The following P3H2 variants were observed in gnomAD, a reference collection of about 807,000 sequenced individuals.
The protein encoded by P3H2 is leprecan-like 1.
P3H2 carries 80 observed loss-of-function variants against 87.0 expected under a neutral mutation model. That is an observed-to-expected ratio of 0.92 (90% CI 0.77 to 1.11). P3H2 has a LOEUF of 1.11. Among genes scored for constraint, P3H2 ranks in the 50% least tolerant of loss-of-function variants. The probability of loss-of-function intolerance (pLI) is 0.00; values close to 1 mark genes in which losing one functional copy is unlikely to be tolerated. For missense variants in P3H2, 1,001 were observed against 923.9 expected, an observed-to-expected ratio of 1.08 and a Z score of -1.08; for synonymous variants, 367 against 359.3, an observed-to-expected ratio of 1.02 and a Z score of -0.24.
At position 190,021,589 on chromosome 3, in the gene P3H2, A is replaced by G. The variant is rs997409596; in HGVS notation, c.481-26147T>C. On this transcript the variant is annotated intron_variant, in intron 1 of 14. Transcript: ENST00000319332. The stretch of plus-strand genomic sequence containing the variant: ...AAACTTTTCTCTTTCAGTTTTAAAA[A>G]ATAAAATCCATACTTCTGGCTTAAA... Among the ~76,000 whole-genome samples the G allele has an allele frequency of 8.2e-5, 11 of 134,954 alleles. 3 individuals carry two copies. Among genetic ancestry groups the G allele is most frequent in the Admixed American group, 6.8e-4 (9 of 13,314 alleles). 88.5% of individuals were successfully genotyped at this position (134,954 alleles called of 152,430 possible).
At chr3:190,005,791 T>C (rs114099513) in intron 1 of P3H2, among the ~76,000 whole-genome samples, 3,414 of 152,302 alleles carry the variant, frequency 0.022, 53 homozygotes, top group Non-Finnish European at 0.037. Flanking sequence ...CAAAGACCCC[T>C]CCTGGAGGAA....
intron 1 of P3H2, among the ~76,000 whole-genome samples, chr3:190,001,764 T>G (rs1331588773): frequency 6.7e-6 from 1 of 150,362 alleles, no homozygotes; most frequent in Non-Finnish European, 1.5e-5. Context: ...CTCATATACA[T>G]ACACATGTCA....
At chr3:190,020,498 G>A (rs967931582) in intron 1 of P3H2, among the ~76,000 whole-genome samples, 1 of 133,878 alleles carries the variant, frequency 7.5e-6, no homozygotes, top group African/African-American at 2.6e-5. Flanking sequence ...AAGAAGCCAC[G>A]ATCAGTTCTT....
At chr3:190,022,258 C>CAATGATGA (rs1724945953) in intron 1 of P3H2, among the ~76,000 whole-genome samples, 2 of 135,234 alleles carry the variant, frequency 1.5e-5, no homozygotes, top group Non-Finnish European at 3.3e-5. Context: ...GTGACTTTAG[C>CAATGATGA]TCTCTGGAAA....
intron 3 of P3H2, among the ~76,000 whole-genome samples, chr3:189,993,121 G>A (rs950498633): frequency 1.3e-5 from 2 of 152,002 alleles, no homozygotes; most frequent in Non-Finnish European, 2.9e-5. Context: ...TCAGGAGATC[G>A]AGACCAGCCT....
rs188559246 is a variant in P3H2, at chr3:190,069,478, C to G, written c.480+50774G>C. Among the ~76,000 whole-genome samples the G allele has an allele frequency of 2.3e-3, 352 of 152,298 alleles. 1 individual carries two copies. The highest frequency in any genetic ancestry group is 0.011 in the South Asian group (52 of 4,816). On this transcript the variant is annotated intron_variant, in intron 1 of 14. Coordinates refer to ENST00000319332, the MANE Select transcript of P3H2 (RefSeq NM_018192.4). ...AACTTCTCCCATAAATGAATCTCCT[C>G]TTCACCTCCTCTCCAGCCAAACAGA...
intron 3 of P3H2, among the ~76,000 whole-genome samples, chr3:189,989,659 G>C (rs1723818750): frequency 6.6e-6 from 1 of 152,112 alleles, no homozygotes; most frequent in Admixed American, 6.5e-5. Context: ...CCTAGACATA[G>C]TATATTCTAA....
At chr3:189,987,910 G>C (rs1282937075) in intron 4 of P3H2, 1 of 533,220 alleles carries the variant, frequency 1.9e-6, no homozygotes, top group Non-Finnish European at 3.4e-6. Flanking sequence ...AAATCGTCAA[G>C]TTTCTATCTG....
At chr3:189,991,031 G>A (rs1270206725) in intron 3 of P3H2, among the ~76,000 whole-genome samples, 7 of 151,928 alleles carry the variant, frequency 4.6e-5, no homozygotes, top group Non-Finnish European at 8.8e-5. Context: ...GAATGTGGGC[G>A]TGAAAGCAGG....
chr3:190,063,862 G>T (rs892694989), intron 1 of P3H2, among the ~76,000 whole-genome samples: 2 of 152,030 alleles, frequency 1.3e-5, no homozygotes, highest in Non-Finnish European at 1.5e-5. Flanking sequence ...CTTTCTGCGA[G>T]AAATGAATTT....
chr3:190,066,143 G>GTGTATA (rs58939026), intron 1 of P3H2, among the ~76,000 whole-genome samples: 10 of 138,792 alleles, frequency 7.2e-5, no homozygotes, highest in African/African-American at 2.3e-4. Flanking sequence ...ACTGTGGTGT[G>GTGTATA]TATATATATA....
At chr3:189,983,746 G>A (rs1371181146) in intron 7 of P3H2, among the ~76,000 whole-genome samples, 2 of 152,136 alleles carry the variant, frequency 1.3e-5, no homozygotes, top group African/African-American at 4.8e-5. Flanking sequence ...AGAAGATCTG[G>A]ATCTGTCCTT....
At chr3:190,066,324 A>G (rs1191001842) in intron 1 of P3H2, among the ~76,000 whole-genome samples, 2 of 152,074 alleles carry the variant, frequency 1.3e-5, no homozygotes, top group Admixed American at 1.3e-4. Flanking sequence ...GAATGAATGC[A>G]TGGCATTCAC....
chr3:190,101,485 G>A (rs1207281854), intron 1 of P3H2, among the ~76,000 whole-genome samples: 1 of 151,622 alleles, frequency 6.6e-6, no homozygotes, highest in Non-Finnish European at 1.5e-5. Flanking sequence ...AAGCTTTAGT[G>A]GTCTGGATAG....
chr3:189,995,391 T>C lies in P3H2; in HGVS notation c.532A>G (p.Asn178Asp). 2 of 1,614,036 alleles carry C rather than the reference T, an allele frequency of 1.2e-6. No individual in the cohort carries two copies. The highest frequency in any genetic ancestry group is 1.7e-6 in the Non-Finnish European group (2 of 1,180,000). Residue 178 changes from asparagine (N) to aspartate (D), a missense_variant, in exon 2 of 15, where the codon AAC (asparagine) becomes GAC (aspartate). Physicochemically the swap from Asn to Asp is conservative, Grantham distance 23 (BLOSUM62 1). Transcript: ENST00000319332. The stretch of plus-strand genomic sequence containing the variant: ...TGCTGCATTTCCATGTGCTCAGGGT[T>C]AGCCACGAAAAATGTGTGAGCTGCT... ...VEAAHTFFVA[N>D]PEHMEMQQNI...
At chr3:190,080,429 C>T (rs1402234474) in intron 1 of P3H2, among the ~76,000 whole-genome samples, 1 of 151,996 alleles carries the variant, frequency 6.6e-6, no homozygotes, top group East Asian at 1.9e-4. Flanking sequence ...CAGAATTTTG[C>T]TCTTGTTGGC....
intron 1 of P3H2, among the ~76,000 whole-genome samples, chr3:190,106,183 C>T (rs1334271978): frequency 6.6e-6 from 1 of 152,090 alleles, no homozygotes; most frequent in African/African-American, 2.4e-5. Flanking sequence ...GAAGAGGACA[C>T]AATCTCAAGG....
intron 1 of P3H2, among the ~76,000 whole-genome samples, chr3:190,053,893 G>A (rs1010493287): frequency 1.3e-5 from 2 of 152,022 alleles, no homozygotes; most frequent in Non-Finnish European, 2.9e-5. Flanking sequence ...AGATTTCCCT[G>A]TTTTCTTAAA....
At chr3:190,016,326 C>A (rs1230382374) in intron 1 of P3H2, among the ~76,000 whole-genome samples, 2 of 148,738 alleles carry the variant, frequency 1.3e-5, no homozygotes, top group Non-Finnish European at 3.0e-5. Flanking sequence ...GCACTGCAAC[C>A]TCCACCTCCT....
Sources: allele counts gnomAD v4.1 joint callset (sites outside exome capture counted in the v4.1 genomes callset), GRCh38; gene constraint gnomAD v4.1.1; transcripts MANE v1.5; gene names NCBI Gene and HGNC (gene_info 2026-07-23, HGNC 2026-07-21).